NALF1: variants seen among roughly 807,000 people sequenced by gnomAD.
The protein encoded by NALF1 is NALCN channel auxiliary factor 1, also known as family with sequence similarity 155 member A.
NALF1 carries 3 observed loss-of-function variants against 48.4 expected under a neutral mutation model. The ratio of observed to expected loss-of-function variants is 0.06; its 90% CI spans 0.03 to 0.16. NALF1 has a LOEUF of 0.16. Among genes scored for constraint, NALF1 ranks in the 10% least tolerant of loss-of-function variants. The pLI is 1.00. For missense variants in NALF1, 526 were observed against 571.5 expected, an observed-to-expected ratio of 0.92 and a Z score of 0.81; for synonymous variants, 262 against 245.7, an observed-to-expected ratio of 1.07 and a Z score of -0.62.
intron 1 of NALF1, among the ~76,000 whole-genome samples, chr13:107,426,021 T>C (rs1212734617): frequency 2.6e-5 from 4 of 152,332 alleles, no homozygotes; most frequent in African/African-American, 7.2e-5. Flanking sequence ...TGTGAAACTA[T>C]GTTAGACATC....
chr13:107,687,536 A>G (rs1050792287), intron 1 of NALF1, among the ~76,000 whole-genome samples: 1 of 151,898 alleles, frequency 6.6e-6, no homozygotes, highest in Non-Finnish European at 1.5e-5. Flanking sequence ...TGGGAGCCAA[A>G]AAAGAAAAGA....
chr13:107,203,161 G>A (rs979173807), intron 2 of NALF1, among the ~76,000 whole-genome samples: 12 of 152,150 alleles, frequency 7.9e-5, no homozygotes, highest in African/African-American at 2.9e-4. Context: ...TACTCTCATT[G>A]AATAAGATTT....
At chr13:107,378,598 C>T (rs1048892080) in intron 1 of NALF1, among the ~76,000 whole-genome samples, 24 of 152,048 alleles carry the variant, frequency 1.6e-4, no homozygotes, top group Admixed American at 1.3e-4. Flanking sequence ...GCCATAAATA[C>T]TATGAGATTT....
intron 1 of NALF1, among the ~76,000 whole-genome samples, chr13:107,390,877 T>TTAATAATAATAATAATAATAATAA (rs71121527): frequency 6.8e-6 from 1 of 147,222 alleles, no homozygotes; most frequent in Non-Finnish European, 1.5e-5. Context: ...AGCCAGAAGG[T>TTAATAATAATAATAATAATAATAA]TAATAATAAT....
intron 1 of NALF1, among the ~76,000 whole-genome samples, chr13:107,494,881 A>T (rs1202266701): frequency 6.6e-6 from 1 of 152,184 alleles, no homozygotes; most frequent in African/African-American, 2.4e-5. Context: ...ATATGGAAAT[A>T]ATTTGGGTTT....
intron 2 of NALF1, among the ~76,000 whole-genome samples, chr13:107,187,157 G>A (rs892077211): frequency 2.6e-5 from 4 of 152,100 alleles, no homozygotes; most frequent in African/African-American, 9.7e-5. Context: ...GGGATCACCT[G>A]AATAATCCTG....
chr13:107,690,831 T>C (rs549441602), intron 1 of NALF1, among the ~76,000 whole-genome samples: 4 of 152,308 alleles, frequency 2.6e-5, no homozygotes, highest in Non-Finnish European at 5.9e-5. Flanking sequence ...TTTCTAACAG[T>C]CATGGAGAAG....
intron 1 of NALF1, among the ~76,000 whole-genome samples, chr13:107,579,074 CA>C (rs1264768830): frequency 6.6e-6 from 1 of 152,108 alleles, no homozygotes; most frequent in Admixed American, 6.6e-5. Context: ...GCTAACATTC[CA>C]TAATCACCTC....
At chr13:107,629,080 CTG>C (rs1879761381) in intron 1 of NALF1, among the ~76,000 whole-genome samples, 1 of 152,114 alleles carries the variant, frequency 6.6e-6, no homozygotes, top group Non-Finnish European at 1.5e-5. Flanking sequence ...AGTGTTGTGC[CTG>C]GAGCTGAATT....
At chr13:107,633,351 C>T (rs974696860) in intron 1 of NALF1, among the ~76,000 whole-genome samples, 2 of 152,060 alleles carry the variant, frequency 1.3e-5, no homozygotes, top group African/African-American at 4.8e-5. Context: ...GAGAAAATCA[C>T]GCATCTCTTC....
chr13:107,476,045 A>G (rs1040885463), intron 1 of NALF1, among the ~76,000 whole-genome samples: 6 of 152,188 alleles, frequency 3.9e-5, no homozygotes, highest in Admixed American at 1.3e-4. Context: ...GTAAACATCT[A>G]TATTCTTTTG....
chr13:107,186,699 G>C (rs756747224), intron 2 of NALF1, among the ~76,000 whole-genome samples: 52 of 152,264 alleles, frequency 3.4e-4, no homozygotes, highest in Admixed American at 5.9e-4. Context: ...TTTTACAACA[G>C]CACTCTGCTT....
chr13:107,310,579 A>T (rs1882025659), intron 1 of NALF1, among the ~76,000 whole-genome samples: 1 of 152,144 alleles, frequency 6.6e-6, no homozygotes, highest in South Asian at 2.1e-4. Context: ...ATGCTAAAAT[A>T]ACTAGAAGAG....
chr13:107,503,076 G>T (rs573746046), intron 1 of NALF1, among the ~76,000 whole-genome samples: 4 of 152,116 alleles, frequency 2.6e-5, no homozygotes, highest in African/African-American at 9.7e-5. Flanking sequence ...AAATAAAACT[G>T]AATGTGAATG....
At chr13:107,566,823 C>T (rs1877823451) in intron 1 of NALF1, among the ~76,000 whole-genome samples, 1 of 152,094 alleles carries the variant, frequency 6.6e-6, no homozygotes, top group Non-Finnish European at 1.5e-5. Flanking sequence ...CAGGCATGAT[C>T]CACTTTTTAA....
At chr13:107,178,707 G>A (rs1012882359) in intron 2 of NALF1, among the ~76,000 whole-genome samples, 4 of 152,152 alleles carry the variant, frequency 2.6e-5, no homozygotes, top group Admixed American at 2.6e-4. Context: ...ACTTTGGCAG[G>A]CCAAGGCGGG....
At chr13:107,361,804 C>A (rs1883065230) in intron 1 of NALF1, among the ~76,000 whole-genome samples, 2 of 152,300 alleles carry the variant, frequency 1.3e-5, no homozygotes, top group South Asian at 4.1e-4. Flanking sequence ...GGCTGGTGAT[C>A]CCCAACATGG....
chr13:107,253,131 T>A (rs974392428), intron 1 of NALF1, among the ~76,000 whole-genome samples: 11 of 151,906 alleles, frequency 7.2e-5, no homozygotes, highest in Non-Finnish European at 1.6e-4. Flanking sequence ...CAAATTTGAA[T>A]CAATTCATAC....
chr13:107,633,114 G>C (rs187169549), intron 1 of NALF1, among the ~76,000 whole-genome samples: 1 of 152,124 alleles, frequency 6.6e-6, no homozygotes, highest in African/African-American at 2.4e-5. Flanking sequence ...GTTTATAAGA[G>C]AAAGAATGTC....
Sources: gnomAD v4.1 joint callset for allele counts (sites outside exome capture counted in the v4.1 genomes callset) on GRCh38, gnomAD v4.1.1 for gene constraint, MANE v1.5 for transcripts, NCBI Gene and HGNC (gene_info 2026-07-23, HGNC 2026-07-21) for gene names.